The following AQP9 variants were observed in gnomAD, a reference collection of about 807,000 sequenced individuals.
AQP9 encodes the protein aquaporin 9.
AQP9 carries 19 observed loss-of-function variants against 23.8 expected under a neutral mutation model. That is an observed-to-expected ratio of 0.80 (90% CI 0.56 to 1.17). AQP9 has a LOEUF of 1.17. Ranked by LOEUF, AQP9 falls within the 50% of genes most tolerant of loss-of-function variation. The pLI is 0.00. For synonymous variants in AQP9, 153 were observed against 131.5 expected (o/e 1.16, Z -1.12); for missense variants, 413 against 362.0 (o/e 1.14, Z -1.14).
intron 1 of AQP9, among the ~76,000 whole-genome samples, chr15:58,147,079 A>G (rs72743561): frequency 2.0e-5 from 3 of 152,164 alleles, no homozygotes; most frequent in African/African-American, 7.2e-5. Flanking sequence ...TCCGTTCTGG[A>G]TCACTGATCT....
At chr15:58,139,031 C>T (rs1323491962) in intron 1 of AQP9, among the ~76,000 whole-genome samples, 2 of 152,132 alleles carry the variant, frequency 1.3e-5, no homozygotes, top group African/African-American at 4.8e-5. Context: ...TTGCTTCCTC[C>T]AAGCATTGGG....
intron 4 of AQP9, among the ~76,000 whole-genome samples, chr15:58,177,449 G>A (rs1458201341): frequency 1.3e-5 from 2 of 152,212 alleles, no homozygotes; most frequent in Non-Finnish European, 2.9e-5. Flanking sequence ...GAGAGAGTTG[G>A]AGAAGGCATT....
Position 58,166,720 on chromosome 15 carries a change from T to C in AQP9, c.159T>C (p.Arg53=). The part of the protein sequence containing the change: ...CVAQAILSRG[R]FGGVITINVG... ...CCCAAGCTATTCTCAGTCGAGGACG[T>C]TTTGGAGGGGTCATCACTATCAATG... Residue 53 remains arginine, a synonymous_variant, in exon 2 of 6, where the codon CGT becomes CGC. Transcript: ENST00000219919. 6.2e-7 allele frequency: 1 copy of C among 1,613,862 alleles called. No homozygotes were observed. Among genetic ancestry groups the C allele is most frequent in the East Asian group, 2.2e-5 (1 of 44,876 alleles).
chr15:58,183,663 T>C lies in AQP9; in HGVS notation c.714-298T>C, dbSNP rs113961437. Among the ~76,000 whole-genome samples, 5 of 152,280 alleles carry C rather than the reference T, an allele frequency of 3.3e-5. 1 individual carries two copies. The highest frequency in any genetic ancestry group is 1.2e-4 in the African/African-American group (5 of 41,560). Reference sequence around the variant, plus strand: ...TCTGAATAATTGACCTGAACTTTCTTAGGGGCCCTCAATCTTAACGATGGG... The same window carrying C: ...TCTGAATAATTGACCTGAACTTTCTCAGGGGCCCTCAATCTTAACGATGGG... On this transcript the variant is annotated intron_variant, in intron 5 of 5. Coordinates refer to ENST00000219919, the MANE Select transcript of AQP9 (RefSeq NM_020980.5).
At chr15:58,171,501 T>C (rs1362956021) in intron 2 of AQP9, among the ~76,000 whole-genome samples, 2 of 152,134 alleles carry the variant, frequency 1.3e-5, no homozygotes, top group African/African-American at 4.8e-5. Flanking sequence ...CCCTCCTCCC[T>C]CCTAACCCCT....
intron 1 of AQP9, among the ~76,000 whole-genome samples, chr15:58,142,480 T>G (rs1448474523): frequency 1.3e-5 from 2 of 152,180 alleles, no homozygotes; most frequent in Non-Finnish European, 2.9e-5. Context: ...TGGGGATATT[T>G]TACAGGAGAT....
At chr15:58,138,959 T>C in intron 1 of AQP9, 1 of 297,010 alleles carries the variant, frequency 3.4e-6, no homozygotes, top group Non-Finnish European at 6.4e-6. Context: ...TACTCTAAAA[T>C]GGCTTTGTGA....
At chr15:58,144,938 C>T (rs1253482284) in intron 1 of AQP9, among the ~76,000 whole-genome samples, 13 of 142,442 alleles carry the variant, frequency 9.1e-5, no homozygotes, top group African/African-American at 2.6e-4. Flanking sequence ...CGCTTCAACC[C>T]GGAAGGTGGA....
intron 3 of AQP9, among the ~76,000 whole-genome samples, chr15:58,173,465 C>A (rs1898669286): frequency 1.3e-5 from 2 of 152,178 alleles, no homozygotes; most frequent in African/African-American, 4.8e-5. Flanking sequence ...CTGCAACATA[C>A]ACATCCATAC....
chr15:58,178,937 A>T (rs1015793055), intron 4 of AQP9, among the ~76,000 whole-genome samples, 191 bp from the exon 5 acceptor site: 20 of 152,236 alleles, frequency 1.3e-4, no homozygotes, highest in Non-Finnish European at 1.8e-4. Flanking sequence ...CTTCTCCTCT[A>T]GAATTGCTGT....
chr15:58,180,357 AT>A (rs1898856859), intron 5 of AQP9, among the ~76,000 whole-genome samples: 1 of 152,196 alleles, frequency 6.6e-6, no homozygotes, highest in Non-Finnish European at 1.5e-5. Flanking sequence ...TTTGGCCTGC[AT>A]TTCACCAGGG....
chr15:58,178,557 T>C (rs769487468), intron 4 of AQP9, among the ~76,000 whole-genome samples: 19 of 152,254 alleles, frequency 1.2e-4, no homozygotes, highest in Non-Finnish European at 2.5e-4. Context: ...AGTACTTGTT[T>C]AGATCTATTA....
chr15:58,161,376 T>C (rs990054269), intron 1 of AQP9, among the ~76,000 whole-genome samples: 1 of 152,202 alleles, frequency 6.6e-6, no homozygotes, highest in Non-Finnish European at 1.5e-5. Context: ...CCTTCTTCCA[T>C]GTATGGAACC....
At chr15:58,180,749 T>C (rs368950029) in intron 5 of AQP9, among the ~76,000 whole-genome samples, 2 of 152,188 alleles carry the variant, frequency 1.3e-5, no homozygotes, top group African/African-American at 4.8e-5. Context: ...TGGCATCTAA[T>C]GGGTAGACGC....
At chr15:58,143,215 T>A (rs1031528120) in intron 1 of AQP9, among the ~76,000 whole-genome samples, 22 of 152,228 alleles carry the variant, frequency 1.4e-4, no homozygotes, top group African/African-American at 5.1e-4. Flanking sequence ...TTTAAGAACG[T>A]CTGAGGTTCT....
chr15:58,158,206 C>G (rs1356081134), intron 1 of AQP9, among the ~76,000 whole-genome samples: 1 of 152,116 alleles, frequency 6.6e-6, no homozygotes, highest in African/African-American at 2.4e-5. Context: ...TGCCCCTATT[C>G]CACATCCTAT....
intron 1 of AQP9, among the ~76,000 whole-genome samples, chr15:58,145,528 A>G (rs1209938244): frequency 6.6e-6 from 1 of 151,554 alleles, no homozygotes; most frequent in African/African-American, 2.4e-5. Flanking sequence ...TATATTTTTT[A>G]ACTTAAAGTA....
intron 3 of AQP9, among the ~76,000 whole-genome samples, chr15:58,174,086 C>G (rs1237763915): frequency 1.3e-5 from 2 of 151,956 alleles, no homozygotes; most frequent in African/African-American, 4.8e-5. Flanking sequence ...TAGTTCAAGA[C>G]CAGCCTGGGC....
rs17848098 is a variant in AQP9 at position 58,179,192 on chromosome 15, C to A, written c.560C>A (p.Ala187Asp). The A allele has an allele frequency of 2.5e-6, 4 of 1,613,210 alleles. No homozygotes were observed. The highest frequency in any genetic ancestry group is 2.2e-5 in the East Asian group (1 of 44,878). ...FAIFDSRNLG[A>D]PRGLEPIAIG... ...ATCTTTGACTCCAGAAACTTGGGAG[C>A]CCCCAGAGGCCTAGAGCCCATTGCC... is the stretch of plus-strand genomic sequence containing the variant. The change falls in exon 5 of 6, where the codon GCC becomes GAC. Residue 187 changes from alanine (A) to aspartate (D), a missense_variant. Transcript: ENST00000219919.
Sources: allele counts gnomAD v4.1 joint callset (sites outside exome capture counted in the v4.1 genomes callset), GRCh38; gene constraint gnomAD v4.1.1; transcripts MANE v1.5; gene names NCBI Gene and HGNC (gene_info 2026-07-23, HGNC 2026-07-21).